The following DAGLB variants were observed in gnomAD, a reference collection of about 807,000 sequenced individuals.
DAGLB encodes the protein diacylglycerol lipase beta.
In DAGLB, 66 loss-of-function variants were observed where a neutral mutation model predicts 72.1. The ratio of observed to expected loss-of-function variants is 0.92; its 90% CI spans 0.75 to 1.12. The LOEUF (loss-of-function observed/expected upper bound fraction) is 1.12. DAGLB is among the 50% of genes most tolerant of loss of function. DAGLB has a pLI of 0.00. For synonymous variants in DAGLB, 414 were observed against 359.5 expected, an observed-to-expected ratio of 1.15 and a Z score of -1.71; for missense variants, 1,065 against 884.9, an observed-to-expected ratio of 1.20 and a Z score of -2.58.
rs371655886 is a variant in DAGLB at position 6,409,549 on chromosome 7, C to G, written c.*288G>C. 2.1e-6 allele frequency: 1 copy of G among 474,844 alleles called. No homozygotes were observed. The highest frequency in any genetic ancestry group is 2.0e-5 in the African/African-American group (1 of 51,108). The allele number at this position is 474,844 out of a possible 1,614,324, so 29.4% of individuals were successfully genotyped here. A position where few individuals can be genotyped will look rare whatever the true frequency, so the allele number is the denominator to read the frequency against. On this transcript the variant is annotated 3_prime_UTR_variant, in exon 15 of 15. Coordinates refer to ENST00000297056, the MANE Select transcript of DAGLB (RefSeq NM_139179.4). ...CCGCACTTCTGGAGCAGTCCTCAGA[C>G]AGCCAAGGGATCCATCCACGGGCCA...
chr7:6,441,357 C>A (rs1029098791), intron 2 of DAGLB, among the ~76,000 whole-genome samples: 1 of 151,672 alleles, frequency 6.6e-6, no homozygotes, highest in Non-Finnish European at 1.5e-5. Context: ...TCCCAAAGTG[C>A]TGGGATTACA....
intron 3 of DAGLB, 58 bp from the exon 4 acceptor site, chr7:6,435,078 T>G: frequency 1.3e-6 from 2 of 1,588,440 alleles, no homozygotes; most frequent in Non-Finnish European, 1.7e-6. Context: ...CAGACGCAGA[T>G]GTCCGGGGTC....
intron 2 of DAGLB, among the ~76,000 whole-genome samples, chr7:6,442,323 C>G (rs542304822): frequency 1.3e-5 from 2 of 152,024 alleles, no homozygotes; most frequent in African/African-American, 4.8e-5. Context: ...ACCACAAGTA[C>G]ATGATGATGC....
rs1784250048 is a variant in DAGLB, at chr7:6,424,790, A to G, written c.1102T>C (p.Ser368Pro). ...FLVALDHRKESVVVAVRGTMS... is the reference protein window; with the variant it reads ...FLVALDHRKEPVVVAVRGTMS... ...GTCCCCCTCACAGCGACCACAACAG[A>G]CTCTTTCCTGTGATCCAGAGCCACT... Residue 368 changes from serine (S) to proline (P), a missense_variant, in exon 8 of 15, where the codon TCT becomes CCT. By Grantham distance (74) the Ser-to-Pro change is moderately conservative (BLOSUM62 -1). Transcript: ENST00000297056. 2 of 1,613,496 alleles carry G rather than the reference A, an allele frequency of 1.2e-6. No homozygotes were observed. Among genetic ancestry groups the G allele is most frequent in the Non-Finnish European group, 1.7e-6 (2 of 1,179,834 alleles).
chr7:6,437,635 C>T (rs965370877), intron 2 of DAGLB, among the ~76,000 whole-genome samples: 5 of 151,852 alleles, frequency 3.3e-5, no homozygotes, highest in African/African-American at 9.7e-5. Flanking sequence ...TTTTTGTGGG[C>T]GTTTTTTGGT....
intron 6 of DAGLB, 56 bp downstream of exon 6, chr7:6,430,424 T>C (rs1583294228): frequency 7.1e-7 from 1 of 1,417,192 alleles, no homozygotes; most frequent in Non-Finnish European, 9.3e-7. Context: ...TATCTCAAAA[T>C]AGCTTTTTTT....
chr7:6,430,633 G>A (rs769646983), intron 5 of DAGLB, 26 bp from the exon 6 acceptor site: 6 of 1,546,956 alleles, frequency 3.9e-6, no homozygotes, highest in African/African-American at 2.7e-5. Context: ...AAAAACTACT[G>A]TTTATTAAGG....
chr7:6,412,000 G>A (rs1783744955), intron 13 of DAGLB, among the ~76,000 whole-genome samples: 1 of 151,880 alleles, frequency 6.6e-6, no homozygotes, highest in Admixed American at 6.6e-5. Flanking sequence ...ATGCAACCTC[G>A]GCCTCCTGGG....
chr7:6,409,797 G>T lies in DAGLB; in HGVS notation c.*40C>A, dbSNP rs372529111. The T allele has an allele frequency of 6.3e-7, 1 of 1,596,434 alleles. No homozygotes were observed. The highest frequency in any genetic ancestry group is 8.5e-7 in the Non-Finnish European group (1 of 1,169,678). ...GGTAAGTCAGTTTAAGGACAAAAGC[G>T]TGAGTCCATCGTTCCTGGGACAGTT... On this transcript the variant is annotated 3_prime_UTR_variant, in exon 15 of 15. Transcript: ENST00000297056.
intron 13 of DAGLB, among the ~76,000 whole-genome samples, chr7:6,412,206 G>A (rs913003974): frequency 5.9e-5 from 9 of 152,152 alleles, no homozygotes; most frequent in African/African-American, 1.9e-4. Context: ...GACCCACCGC[G>A]CCTGGCCAGC....
chr7:6,411,034 G>A (rs952538841), intron 13 of DAGLB, among the ~76,000 whole-genome samples: 1 of 152,066 alleles, frequency 6.6e-6, no homozygotes, highest in South Asian at 2.1e-4. Context: ...ACAGGCACCC[G>A]CCACCGCACC....
intron 9 of DAGLB, chr7:6,417,429 A>C (rs909363370): frequency 6.5e-6 from 1 of 153,886 alleles, no homozygotes; most frequent in Non-Finnish European, 1.4e-5. Flanking sequence ...AAACAGACAA[A>C]CAAAAAACCC....
At chr7:6,447,652 T>G in intron 1 of DAGLB, 96 bp downstream of exon 1, 1 of 1,478,236 alleles carries the variant, frequency 6.8e-7, no homozygotes, top group Non-Finnish European at 9.0e-7. Context: ...ACCGCGACAG[T>G]GCTTGGGAAG....
At chr7:6,447,606 G>C in intron 1 of DAGLB, 142 bp downstream of exon 1, 1 of 1,204,432 alleles carries the variant, frequency 8.3e-7, no homozygotes, top group Non-Finnish European at 1.1e-6. Context: ...GGGCAGTGGT[G>C]AGAACTCGAT....
At chr7:6,438,439 G>T (rs754322564) in intron 2 of DAGLB, among the ~76,000 whole-genome samples, 2 of 151,916 alleles carry the variant, frequency 1.3e-5, no homozygotes, top group African/African-American at 2.4e-5. Flanking sequence ...AATTTTATAA[G>T]CTAAATAATT....
chr7:6,447,431 C>T (rs535133118), intron 1 of DAGLB, among the ~76,000 whole-genome samples: 1 of 152,316 alleles, frequency 6.6e-6, no homozygotes, highest in East Asian at 1.9e-4. Context: ...GTAACACCCT[C>T]GTGGCACCCC....
At chr7:6,411,050 A>C (rs1201567214) in intron 13 of DAGLB, among the ~76,000 whole-genome samples, 1 of 151,736 alleles carries the variant, frequency 6.6e-6, no homozygotes, top group Non-Finnish European at 1.5e-5. Flanking sequence ...GCACCCGGCT[A>C]ATTTTTTGTA....
At position 6,413,052 on chromosome 7, in the gene DAGLB, G is replaced by A. The variant is rs376018766; in HGVS notation, c.1428-18C>T. 3.7e-6 allele frequency: 6 copies of A among 1,610,786 alleles called. No individual in the cohort carries two copies. In the Admixed American group the frequency reaches 1.0e-4, roughly 27 times the overall value. On this transcript the variant is annotated intron_variant, in intron 11 of 14. Transcript: ENST00000297056. The stretch of plus-strand genomic sequence containing the variant: ...GAGCTTTGCTGAAATTCCAAACAGA[G>A]AGAGGATGTTAGCTTTACGATGACA...
At chr7:6,420,041 G>C (rs1227914931) in intron 9 of DAGLB, among the ~76,000 whole-genome samples, 1 of 152,202 alleles carries the variant, frequency 6.6e-6, no homozygotes, top group Non-Finnish European at 1.5e-5. Flanking sequence ...CAGCTACTTG[G>C]GAGGCTGAGG....
Sources: gnomAD v4.1 joint callset for allele counts (sites outside exome capture counted in the v4.1 genomes callset) on GRCh38, gnomAD v4.1.1 for gene constraint, MANE v1.5 for transcripts, NCBI Gene and HGNC (gene_info 2026-07-23, HGNC 2026-07-21) for gene names.